Variants in KDM4C observed in about 807,000 individuals in gnomAD.
KDM4C encodes lysine demethylase 4C.
In KDM4C, 81 loss-of-function variants were observed where a neutral mutation model predicts 129.3. The ratio of observed to expected loss-of-function variants is 0.63; its 90% CI spans 0.52 to 0.75. The LOEUF is 0.75. Among genes scored for constraint, KDM4C ranks in the 30% least tolerant of loss-of-function variants. The probability of loss-of-function intolerance (pLI) is 0.00; values close to 1 mark genes in which losing one functional copy is unlikely to be tolerated. For synonymous variants in KDM4C, 573 were observed against 456.1 expected (o/e 1.26, Z -3.26); for missense variants, 1,457 against 1,304.0 (o/e 1.12, Z -1.81).
intron 1 of KDM4C, among the ~76,000 whole-genome samples, chr9:6,747,746 C>G (rs1314425496): frequency 6.6e-6 from 1 of 152,136 alleles, no homozygotes; most frequent in African/African-American, 2.4e-5. Context: ...AAAATCTTTG[C>G]CTGCACAACT....
At chr9:7,091,148 G>A (rs1835751152) in intron 17 of KDM4C, among the ~76,000 whole-genome samples, 1 of 151,970 alleles carries the variant, frequency 6.6e-6, no homozygotes, top group Admixed American at 6.5e-5. Flanking sequence ...ACCTGACCAG[G>A]TGACTCTTTC....
At chr9:7,153,594 A>T (rs1187157635) in intron 19 of KDM4C, among the ~76,000 whole-genome samples, 3 of 152,240 alleles carry the variant, frequency 2.0e-5, no homozygotes, top group African/African-American at 7.2e-5. Flanking sequence ...TGGTGTGGGA[A>T]GTCCTCCAGT....
intron 1 of KDM4C, among the ~76,000 whole-genome samples, chr9:6,752,215 C>T (rs928499878): frequency 6.7e-6 from 1 of 149,246 alleles, no homozygotes. Context: ...CGCCTGTAGT[C>T]CCAGCTACAC....
chr9:6,851,578 C>G (rs1838855134), intron 5 of KDM4C, among the ~76,000 whole-genome samples: 1 of 152,176 alleles, frequency 6.6e-6, no homozygotes, highest in East Asian at 1.9e-4. Flanking sequence ...CATACTATGT[C>G]TTGCTTAAGA....
chr9:7,020,912 C>CTT (rs1260451672), intron 15 of KDM4C, among the ~76,000 whole-genome samples: 1 of 91,900 alleles, frequency 1.1e-5, no homozygotes, highest in Non-Finnish European at 2.0e-5. Flanking sequence ...TATTCATTTT[C>CTT]CTTTTTTTTT....
intron 8 of KDM4C, among the ~76,000 whole-genome samples, chr9:6,928,408 A>G (rs932666624): frequency 6.6e-6 from 1 of 152,260 alleles, no homozygotes; most frequent in Non-Finnish European, 1.5e-5. Flanking sequence ...TTGTGCATGT[A>G]TCTCTTGTCC....
At chr9:7,121,186 A>G (rs538196974) in intron 18 of KDM4C, among the ~76,000 whole-genome samples, 2 of 152,284 alleles carry the variant, frequency 1.3e-5, no homozygotes, top group African/African-American at 4.8e-5. Flanking sequence ...TGGGTTATCA[A>G]TTTAGGCTAG....
chr9:7,017,381 A>G (rs750645602), intron 15 of KDM4C, among the ~76,000 whole-genome samples: 2 of 152,216 alleles, frequency 1.3e-5, no homozygotes, highest in Admixed American at 6.5e-5. Flanking sequence ...ATGATCCCCT[A>G]TTTAGAGACC....
intron 17 of KDM4C, among the ~76,000 whole-genome samples, chr9:7,060,016 G>A (rs551962003): frequency 1.3e-5 from 2 of 152,160 alleles, no homozygotes; most frequent in East Asian, 3.9e-4. Context: ...AAAACCACTG[G>A]AATAGAGAGA....
intron 8 of KDM4C, among the ~76,000 whole-genome samples, chr9:6,897,636 C>T (rs1816674215): frequency 6.6e-6 from 1 of 152,114 alleles, no homozygotes; most frequent in Admixed American, 6.5e-5. Flanking sequence ...TTGGTGAGTG[C>T]CCAGTGAGTT....
intron 4 of KDM4C, among the ~76,000 whole-genome samples, chr9:6,829,905 T>C (rs1834526560): frequency 6.6e-6 from 1 of 152,242 alleles, no homozygotes; most frequent in Non-Finnish European, 1.5e-5. Flanking sequence ...ATCTTTATTA[T>C]AATTTTGTAA....
At chr9:6,737,253 A>G (rs1016233066) in intron 1 of KDM4C, among the ~76,000 whole-genome samples, 1 of 152,094 alleles carries the variant, frequency 6.6e-6, no homozygotes, top group Non-Finnish European at 1.5e-5. Context: ...GACAACCTAC[A>G]GACTGGGAAA....
intron 8 of KDM4C, among the ~76,000 whole-genome samples, chr9:6,917,462 C>G (rs1007429418): frequency 6.6e-6 from 1 of 152,202 alleles, no homozygotes; most frequent in African/African-American, 2.4e-5. Context: ...TGGTTTCACA[C>G]CTTGCCTTTC....
intron 4 of KDM4C, among the ~76,000 whole-genome samples, chr9:6,827,841 A>T (rs528039415): frequency 1.3e-5 from 2 of 152,344 alleles, no homozygotes; most frequent in African/African-American, 4.8e-5. Flanking sequence ...AGGTAATCAC[A>T]GCTCATTTAT....
At chr9:6,919,350 A>C (rs905337859) in intron 8 of KDM4C, among the ~76,000 whole-genome samples, 10 of 148,976 alleles carry the variant, frequency 6.7e-5, no homozygotes, top group Non-Finnish European at 1.5e-4. Flanking sequence ...TAGTGTGCAA[A>C]TATTATCTCC....
rs1305641530 is a variant in KDM4C, at chr9:6,747,076, C to G, written c.49+26079C>G. ...GGTGTGGTGGTGCACACTTCTGGTT[C>G]CAGCTATTCAGGAGTCTGAGGTGGG... On this transcript the variant is annotated intron_variant, in intron 1 of 17. Transcript: ENST00000536108. Among the ~76,000 whole-genome samples, 10 of 149,804 alleles carry G rather than the reference C, an allele frequency of 6.7e-5. No homozygotes were observed. The Admixed American group carries it at 6.7e-4, about 10-fold the overall frequency.
chr9:6,995,959 C>A (rs139034801), intron 12 of KDM4C, among the ~76,000 whole-genome samples: 1 of 152,312 alleles, frequency 6.6e-6, no homozygotes, highest in East Asian at 1.9e-4. Flanking sequence ...TGAGCCACCG[C>A]GCCCGGCCCT....
chr9:6,740,396 G>C (rs1161457217), intron 1 of KDM4C, among the ~76,000 whole-genome samples: 2 of 151,792 alleles, frequency 1.3e-5, no homozygotes, highest in Admixed American at 1.3e-4. Context: ...GTAGAGATGG[G>C]GTTTCACCGT....
intron 15 of KDM4C, among the ~76,000 whole-genome samples, chr9:7,046,184 T>C (rs1376986610): frequency 2.0e-5 from 3 of 151,776 alleles, no homozygotes; most frequent in Non-Finnish European, 4.4e-5. Context: ...TGGAGTCATC[T>C]TGGAGTAGAA....
Sources: allele counts gnomAD v4.1 joint callset (sites outside exome capture counted in the v4.1 genomes callset), GRCh38; gene constraint gnomAD v4.1.1; transcripts MANE v1.5; gene names NCBI Gene and HGNC (gene_info 2026-07-23, HGNC 2026-07-21).